The following VKORC1L1 variants were observed in gnomAD, a reference collection of about 807,000 sequenced individuals.
The protein encoded by VKORC1L1 is vitamin K epoxide reductase complex subunit 1-like protein 1.
Under a neutral mutation model 18.9 loss-of-function variants are expected in VKORC1L1, and 2 were observed. That is an observed-to-expected ratio of 0.11 (90% CI 0.04 to 0.33). The LOEUF (loss-of-function observed/expected upper bound fraction) is 0.33, where lower values mean the gene tolerates loss of function less well. Ranked by LOEUF, VKORC1L1 falls within the 10% of genes least tolerant of loss-of-function variation. VKORC1L1 has a pLI of 1.00. For synonymous variants in VKORC1L1, 96 were observed against 100.0 expected (o/e 0.96, Z 0.24); for missense variants, 123 against 224.1 (o/e 0.55, Z 2.88).
chr7:65,949,493 A>T (rs944085342), intron 2 of VKORC1L1, among the ~76,000 whole-genome samples: 1 of 149,496 alleles, frequency 6.7e-6, no homozygotes, highest in Middle Eastern at 3.6e-3. Context: ...AAAAAGAAAT[A>T]AATAATAATA....
upstream of VKORC1L1, among the ~76,000 whole-genome samples, chr7:65,868,879 A>G (rs1174810149): frequency 6.6e-6 from 1 of 152,136 alleles, no homozygotes. Context: ...AATCATGGCT[A>G]CACACAAAGC....
At chr7:65,899,091 TG>T (rs1442042955) in intron 1 of VKORC1L1, among the ~76,000 whole-genome samples, 2 of 152,266 alleles carry the variant, frequency 1.3e-5, no homozygotes, top group Non-Finnish European at 2.9e-5. Context: ...AGTTGAAGGC[TG>T]GCGTGTCTTA....
At chr7:65,875,178 C>T (rs1788805307) in intron 1 of VKORC1L1, among the ~76,000 whole-genome samples, 1 of 152,112 alleles carries the variant, frequency 6.6e-6, no homozygotes, top group African/African-American at 2.4e-5. Context: ...GAAATTTGTT[C>T]AATTTGATCA....
At chr7:65,927,594 CACA>C (rs1789787402) in intron 1 of VKORC1L1, among the ~76,000 whole-genome samples, 1 of 149,942 alleles carries the variant, frequency 6.7e-6, no homozygotes, top group South Asian at 2.1e-4. Context: ...CCAGCACAGT[CACA>C]ACAAGCCATT....
At chr7:65,947,555 C>G (rs1452179827) in intron 1 of VKORC1L1, among the ~76,000 whole-genome samples, 2 of 151,592 alleles carry the variant, frequency 1.3e-5, no homozygotes, top group South Asian at 4.2e-4. Context: ...TAAAAAAAAT[C>G]AGGTTTTAAA....
intron 1 of VKORC1L1, among the ~76,000 whole-genome samples, chr7:65,915,217 G>C (rs1159133345): frequency 9.2e-5 from 12 of 129,986 alleles, no homozygotes. Context: ...TCAGCCTCCC[G>C]AGTAGCTGGG....
chr7:65,907,763 T>G (rs1789429585), intron 1 of VKORC1L1, among the ~76,000 whole-genome samples: 1 of 152,202 alleles, frequency 6.6e-6, no homozygotes. Flanking sequence ...AAGTTCAAGT[T>G]CACTTGAACT....
intron 1 of VKORC1L1, among the ~76,000 whole-genome samples, chr7:65,876,831 A>T (rs1788835018): frequency 6.6e-6 from 1 of 152,128 alleles, no homozygotes; most frequent in East Asian, 1.9e-4. Flanking sequence ...AGACCTCTTG[A>T]GCTCAGGAGT....
the VKORC1L1 span, among the ~76,000 whole-genome samples, chr7:65,867,633 A>G: frequency 6.6e-6 from 1 of 152,100 alleles, no homozygotes; most frequent in Non-Finnish European, 1.5e-5. Context: ...TGATTGGAAC[A>G]TCAAAATGTG....
intron 1 of VKORC1L1, among the ~76,000 whole-genome samples, chr7:65,918,049 A>T (rs1040407214): frequency 2.6e-5 from 4 of 152,182 alleles, no homozygotes; most frequent in Non-Finnish European, 4.4e-5. Context: ...GCCACTGTTG[A>T]TGAGCTTTGA....
At chr7:65,875,607 C>T (rs192689290) in intron 1 of VKORC1L1, among the ~76,000 whole-genome samples, 111 of 152,118 alleles carry the variant, frequency 7.3e-4, no homozygotes, top group African/African-American at 2.5e-3. Flanking sequence ...TTGGTAGAGA[C>T]GGGGTTTCAC....
rs1291366580 is a variant in VKORC1L1 at position 65,954,606 on chromosome 7, A to G, written c.*306A>G. On this transcript the variant is annotated 3_prime_UTR_variant, in exon 3 of 3. Coordinates refer to ENST00000360768, the MANE Select transcript of VKORC1L1 (RefSeq NM_173517.6). ...GCCCCCTGCCCTCAATTGTAAAGTG[A>G]GCAACCATTGCTAGTAATTCTTTAA... 7.1e-6 allele frequency: 3 copies of G among 419,696 alleles called. No homozygotes were observed. The East Asian group carries it at 1.2e-4, about 16-fold the overall frequency. The allele number at this position is 419,696 out of a possible 1,614,324, so 26.0% of individuals were successfully genotyped here.
At chr7:65,939,212 A>T (rs1002004252) in intron 1 of VKORC1L1, among the ~76,000 whole-genome samples, 1 of 152,202 alleles carries the variant, frequency 6.6e-6, no homozygotes, top group Non-Finnish European at 1.5e-5. Flanking sequence ...CGTGGATAAG[A>T]TTGTCATTCA....
intron 1 of VKORC1L1, among the ~76,000 whole-genome samples, chr7:65,944,264 G>C (rs565588171): frequency 6.6e-6 from 1 of 152,196 alleles, no homozygotes; most frequent in African/African-American, 2.4e-5. Context: ...GCTACTTTAG[G>C]AGGCTGACAC....
chr7:65,899,003 G>T (rs1263636701), intron 1 of VKORC1L1, among the ~76,000 whole-genome samples: 2 of 152,108 alleles, frequency 1.3e-5, no homozygotes, highest in African/African-American at 2.4e-5. Context: ...ACTTTACTTT[G>T]TTTATTATCC....
intron 1 of VKORC1L1, among the ~76,000 whole-genome samples, chr7:65,913,196 A>G (rs1437209016): frequency 6.6e-6 from 1 of 152,170 alleles, no homozygotes; most frequent in African/African-American, 2.4e-5. Context: ...TATGAAATAT[A>G]TATCATATTC....
chr7:65,898,371 A>G (rs1583833512), intron 1 of VKORC1L1, among the ~76,000 whole-genome samples: 1 of 152,236 alleles, frequency 6.6e-6, no homozygotes, highest in East Asian at 1.9e-4. Flanking sequence ...GGTGTGAGCC[A>G]CTACGCCCGG....
At chr7:65,926,097 A>T (rs972705246) in intron 1 of VKORC1L1, among the ~76,000 whole-genome samples, 2 of 151,948 alleles carry the variant, frequency 1.3e-5, no homozygotes, top group Non-Finnish European at 2.9e-5. Context: ...GGTGTTGACA[A>T]AGCCACACTC....
At chr7:65,884,639 AAAAG>A (rs1402735809) in intron 1 of VKORC1L1, among the ~76,000 whole-genome samples, 1 of 152,310 alleles carries the variant, frequency 6.6e-6, no homozygotes, top group Admixed American at 6.5e-5. Flanking sequence ...TGTCTCAAAA[AAAAG>A]AAAATATTAC....
Sources: gnomAD v4.1 joint callset for allele counts (sites outside exome capture counted in the v4.1 genomes callset) on GRCh38, gnomAD v4.1.1 for gene constraint, MANE v1.5 for transcripts, NCBI Gene and HGNC (gene_info 2026-07-23, HGNC 2026-07-21) for gene names.